Variants in RBMS1 observed in about 807,000 individuals in gnomAD.
RBMS1 encodes RNA binding motif single stranded interacting protein 1, also known as RNA-binding motif, single-stranded-interacting protein 1.
A neutral mutation model predicts 62.3 loss-of-function variants in RBMS1; 17 were observed. The observed-to-expected ratio is 0.27, with a 90% CI of 0.19 to 0.41. The LOEUF is 0.41. RBMS1 is among the 10% of genes least tolerant of loss of function. The pLI is 1.00. For synonymous variants in RBMS1, 172 were observed against 170.0 expected (o/e 1.01, Z -0.09); for missense variants, 334 against 504.5 (o/e 0.66, Z 3.24).
chr2:160,300,367 G>C (rs1689145402), intron 6 of RBMS1, among the ~76,000 whole-genome samples: 1 of 152,182 alleles, frequency 6.6e-6, no homozygotes, highest in South Asian at 2.1e-4. Context: ...GGTTCACTGA[G>C]GATGGTGATA....
intron 1 of RBMS1, among the ~76,000 whole-genome samples, chr2:160,389,202 GAT>G (rs1312506744): frequency 6.6e-6 from 1 of 152,158 alleles, no homozygotes; most frequent in Non-Finnish European, 1.5e-5. Context: ...GGAAAAATTT[GAT>G]ATGAGCAAAT....
chr2:160,334,222 G>C (rs1691439866), intron 2 of RBMS1, among the ~76,000 whole-genome samples: 1 of 152,136 alleles, frequency 6.6e-6, no homozygotes, highest in South Asian at 2.1e-4. Context: ...ATGCATTTTA[G>C]GTGCTCAACA....
At chr2:160,362,258 AGT>A in intron 2 of RBMS1, among the ~76,000 whole-genome samples, 1 of 152,298 alleles carries the variant, frequency 6.6e-6, no homozygotes, top group East Asian at 1.9e-4. Context: ...TGTTCACTGG[AGT>A]GGCACTCTGA....
chr2:160,351,159 C>A (rs542724710), intron 2 of RBMS1, among the ~76,000 whole-genome samples: 28 of 147,378 alleles, frequency 1.9e-4, no homozygotes, highest in African/African-American at 6.6e-4. Flanking sequence ...GGGAACACCA[C>A]ACACCGGGGC....
rs1476157476 is a variant in RBMS1, at chr2:160,367,321, C to A, written c.146G>T (p.Ser49Ile). The A allele has an allele frequency of 6.2e-7, 1 of 1,612,770 alleles. No homozygotes were observed. The highest frequency in any genetic ancestry group is 8.5e-7 in the Non-Finnish European group (1 of 1,179,322). ...ATCCCATCCTGAGTTGCTACTGCTG[C>A]TACTGTTGTTATTACTGCTGGTGGT... ...PSTTSSNNNS[S>I]SSSNSGWDQL... Residue 49 changes from serine (S) to isoleucine (I), a missense_variant, in exon 2 of 14, where the codon AGC becomes ATC. Around this residue, in one of 3 missense-constraint regions of RBMS1, gnomAD observed 150 missense variants for 228.0 expected, o/e 0.66. Transcript: ENST00000348849.
chr2:160,304,574 C>G (rs2105954319), intron 4 of RBMS1, among the ~76,000 whole-genome samples: 1 of 152,288 alleles, frequency 6.6e-6, no homozygotes, highest in South Asian at 2.1e-4. Flanking sequence ...ATGAAAACTT[C>G]CTATCACCTG....
chr2:160,471,716 T>TATATATATAA (rs371634389), intron 1 of RBMS1, among the ~76,000 whole-genome samples: 4,217 of 76,056 alleles, frequency 0.055, 385 homozygotes, highest in East Asian at 0.12. Context: ...TATATATATA[T>TATATATATAA]AACCTTTCAT....
intron 1 of RBMS1, among the ~76,000 whole-genome samples, chr2:160,389,960 A>C (rs1694773825): frequency 6.6e-6 from 1 of 152,200 alleles, no homozygotes; most frequent in South Asian, 2.1e-4. Flanking sequence ...CATAAGACTC[A>C]AGAAACTTAA....
chr2:160,326,379 T>C (rs1462082527), intron 2 of RBMS1, among the ~76,000 whole-genome samples: 5 of 152,156 alleles, frequency 3.3e-5, no homozygotes, highest in Admixed American at 2.6e-4. Flanking sequence ...CCCTGTATGA[T>C]GTATGCTAAA....
At chr2:160,290,201 A>G (rs1415891177) in intron 6 of RBMS1, among the ~76,000 whole-genome samples, 1 of 150,114 alleles carries the variant, frequency 6.7e-6, no homozygotes, top group East Asian at 2.0e-4. Context: ...AGGAGATCCT[A>G]TGTGACAGTA....
chr2:160,365,237 T>C (rs1358716616), intron 2 of RBMS1, among the ~76,000 whole-genome samples: 2 of 152,246 alleles, frequency 1.3e-5, no homozygotes, highest in African/African-American at 4.8e-5. Context: ...AATTTTGAGA[T>C]AGACTCTTCT....
At chr2:160,303,293 T>C (rs771079416) in intron 5 of RBMS1, 37 bp downstream of exon 5, 1 of 1,528,468 alleles carries the variant, frequency 6.5e-7, no homozygotes, top group Non-Finnish European at 8.8e-7. Context: ...GCAAAGCTAT[T>C]GTTGTTGACA....
At chr2:160,371,180 A>C (rs1484944632) in intron 1 of RBMS1, among the ~76,000 whole-genome samples, 2 of 152,246 alleles carry the variant, frequency 1.3e-5, no homozygotes, top group Non-Finnish European at 2.9e-5. Flanking sequence ...CAGCAATTAC[A>C]CTTTGCGTTA....
intron 1 of RBMS1, among the ~76,000 whole-genome samples, chr2:160,425,633 T>C (rs1281638781): frequency 1.3e-5 from 2 of 152,084 alleles, no homozygotes; most frequent in Non-Finnish European, 2.9e-5. Flanking sequence ...CAGTAGACAG[T>C]AAGAAGCAAA....
In RBMS1 at chr2:160,272,284, G is replaced by T. The variant is rs1244125835; in HGVS notation, c.*2488C>A. 1 of 152,156 alleles carries T rather than the reference G, an allele frequency of 6.6e-6. No homozygotes were observed. Among genetic ancestry groups the T allele is most frequent in the Non-Finnish European group, 1.5e-5 (1 of 68,014 alleles). The allele number at this position is 152,156 out of a possible 1,614,324, so 9.4% of individuals were successfully genotyped here. On this transcript the variant is annotated 3_prime_UTR_variant, in exon 14 of 14. Coordinates refer to ENST00000348849, the MANE Select transcript of RBMS1 (RefSeq NM_016836.4). ...AAGTCCTAGGAAAGAAAACTACAGA[G>T]TTATCTTGAACCGGACAAATAAGTT... is the stretch of plus-strand genomic sequence containing the variant.
At chr2:160,348,647 G>A (rs1692316741) in intron 2 of RBMS1, among the ~76,000 whole-genome samples, 1 of 152,116 alleles carries the variant, frequency 6.6e-6, no homozygotes, top group South Asian at 2.1e-4. Context: ...ATGACCTAGA[G>A]ATGAAGCACC....
At chr2:160,411,724 C>T (rs1696045978) in intron 1 of RBMS1, among the ~76,000 whole-genome samples, 1 of 152,094 alleles carries the variant, frequency 6.6e-6, no homozygotes, top group African/African-American at 2.4e-5. Context: ...CAGTAAATGG[C>T]AGTTGTTGTT....
chr2:160,414,861 AAT>A (rs1210457749), intron 1 of RBMS1, among the ~76,000 whole-genome samples: 5 of 152,130 alleles, frequency 3.3e-5, no homozygotes, highest in Non-Finnish European at 7.4e-5. Context: ...AAAAAAAAAA[AAT>A]CTATAAAAAC....
At chr2:160,398,807 A>G (rs989634624) in intron 1 of RBMS1, among the ~76,000 whole-genome samples, 1 of 152,188 alleles carries the variant, frequency 6.6e-6, no homozygotes, top group Non-Finnish European at 1.5e-5. Context: ...TACGACTAGA[A>G]GCCTACGATG....
Sources: gnomAD v4.1 joint callset for allele counts (sites outside exome capture counted in the v4.1 genomes callset) on GRCh38, gnomAD v4.1.1 for gene constraint, gnomAD v4.1.1 regional missense constraint, MANE v1.5 for transcripts, NCBI Gene and HGNC (gene_info 2026-07-23, HGNC 2026-07-21) for gene names.